Variants in PATJ observed in about 807,000 individuals in gnomAD.
PATJ encodes the protein inaD-like protein.
PATJ carries 190 observed loss-of-function variants against 224.9 expected under a neutral mutation model. The ratio of observed to expected loss-of-function variants is 0.84; its 90% CI spans 0.75 to 0.95. The LOEUF (loss-of-function observed/expected upper bound fraction) is 0.95, where lower values mean the gene tolerates loss of function less well. Ranked by LOEUF, PATJ falls within the 40% of genes least tolerant of loss-of-function variation. The pLI, the probability that PATJ is intolerant of heterozygous loss-of-function variation, is 0.00. For missense variants in PATJ, 2,121 were observed against 2,270.3 expected (o/e 0.93, Z 1.34); for synonymous variants, 769 against 820.3 (o/e 0.94, Z 1.07).
chr1:61,977,339 C>T (rs955199964), intron 27 of PATJ, among the ~76,000 whole-genome samples: 4 of 152,100 alleles, frequency 2.6e-5, no homozygotes, highest in Non-Finnish European at 5.9e-5. Flanking sequence ...ATTGGCCCAC[C>T]TCAGCCTCCC....
In PATJ at chr1:62,161,007, A is replaced by T; in HGVS notation, c.5602A>T (p.Ile1868Phe). Residue 1868 changes from isoleucine (I) to phenylalanine (F), a missense_variant, in exon 44 of 44, where the codon ATT (isoleucine) becomes TTT (phenylalanine). By Grantham distance (21) the Ile-to-Phe change is conservative. Coordinates refer to ENST00000642238, the MANE Select transcript of PATJ (RefSeq NM_001350145.3). The stretch of plus-strand genomic sequence containing the variant: ...TGTTACTCATGAGCAAGCAGTCGCC[A>T]TTCTAAAACACCAGAGAGGGACTGT... The part of the protein sequence containing the change: ...EGVTHEQAVA[I>F]LKHQRGTVTL... 6.2e-7 allele frequency: 1 copy of T among 1,608,480 alleles called. No individual in the cohort carries two copies. Among genetic ancestry groups the T allele is most frequent in the East Asian group, 2.2e-5 (1 of 44,846 alleles).
At chr1:61,955,797 TAAG>T (rs1349854139) in intron 27 of PATJ, among the ~76,000 whole-genome samples, 1 of 152,214 alleles carries the variant, frequency 6.6e-6, no homozygotes, top group African/African-American at 2.4e-5. Context: ...CCTGTACTTT[TAAG>T]AAGTTTTAAT....
At position 61,787,879 on chromosome 1, in the gene PATJ, T is replaced by C. The variant is rs776193693; in HGVS notation, c.975T>C (p.Ala325=). The part of the protein sequence containing the change: ...NCGNSVRMLV[A]RDPAGDISVT... ...GGAATTCAGTCAGGATGCTCGTTGC[T>C]AGAGATCCAGCTGGTGACATTTCAG... The change falls in exon 8 of 44, where the codon GCT becomes GCC. Residue 325 remains alanine, a synonymous_variant. Coordinates refer to ENST00000642238, the MANE Select transcript of PATJ (RefSeq NM_001350145.3). 2 of 1,614,176 alleles carry C rather than the reference T, an allele frequency of 1.2e-6. No homozygotes were observed. The highest frequency in any genetic ancestry group is 2.2e-5 in the East Asian group (1 of 44,888).
chr1:61,783,703 A>G (rs1388927999), intron 7 of PATJ, among the ~76,000 whole-genome samples: 1 of 151,100 alleles, frequency 6.6e-6, no homozygotes, highest in Non-Finnish European at 1.5e-5. Context: ...GAGAAGTTAA[A>G]ATGCAAAGTA....
At position 62,104,797 on chromosome 1, in the gene PATJ, G is replaced by A. The variant is rs569719807; in HGVS notation, c.4378-3640G>A. On this transcript the variant is annotated intron_variant, in intron 33 of 43. Transcript: ENST00000642238. The stretch of plus-strand genomic sequence containing the variant: ...AGTGATTCTCCTGTCTCAGCCTTCC[G>A]AGTAGCTGGGATTACAGGCACGTGC... Among the ~76,000 whole-genome samples the A allele has an allele frequency of 1.1e-4, 16 of 152,066 alleles. 1 individual carries two copies. Among genetic ancestry groups the A allele is most frequent in the East Asian group, 7.7e-4 (4 of 5,166 alleles).
At chr1:62,105,492 C>T (rs996281693) in intron 33 of PATJ, among the ~76,000 whole-genome samples, 2 of 152,142 alleles carry the variant, frequency 1.3e-5, no homozygotes, top group Non-Finnish European at 2.9e-5. Flanking sequence ...ATACAAATGA[C>T]CTTTGGTAGG....
chr1:62,117,433 G>A (rs941669785), intron 37 of PATJ: 1 of 1,362,550 alleles, frequency 7.3e-7, no homozygotes, highest in African/African-American at 1.5e-5. Context: ...GCTTGCAAAT[G>A]TTTTCTTGGA....
intron 22 of PATJ, among the ~76,000 whole-genome samples, chr1:61,895,851 C>G (rs978514059): frequency 6.6e-6 from 1 of 152,166 alleles, no homozygotes. Context: ...AAGCTGTAGG[C>G]ACTCACCTCC....
intron 31 of PATJ, among the ~76,000 whole-genome samples, chr1:62,053,789 C>T (rs548990508): frequency 5.9e-5 from 9 of 151,616 alleles, no homozygotes; most frequent in East Asian, 1.9e-4. Flanking sequence ...TGAGGAATGA[C>T]GGTAATTAGG....
Position 61,893,699 on chromosome 1 carries a change from AG to A in PATJ, c.3132-5882del, listed in dbSNP as rs1669931386. Among the ~76,000 whole-genome samples the A allele has an allele frequency of 4.6e-5, 7 of 151,742 alleles. No homozygotes were observed. In the South Asian group the frequency reaches 1.5e-3, roughly 32 times the overall value. ...TGCCTGTGGTCCCAGCTACCTGGTG[AG>A]GCTGCAGTGAGCTGTGATTGTGCCA... On this transcript the variant is annotated intron_variant, in intron 22 of 43. Transcript: ENST00000642238.
intron 20 of PATJ, among the ~76,000 whole-genome samples, chr1:61,871,539 G>GTC (rs1322719608): frequency 1.9e-5 from 1 of 51,486 alleles, no homozygotes; most frequent in African/African-American, 6.9e-5. Flanking sequence ...GTGTGTGTGT[G>GTC]TATATATATA....
chr1:61,978,411 A>G (rs1046471421), intron 27 of PATJ, among the ~76,000 whole-genome samples: 1 of 151,424 alleles, frequency 6.6e-6, no homozygotes, highest in African/African-American at 2.4e-5. Flanking sequence ...GATTAAAGGC[A>G]TGTGCTACCA....
At chr1:61,943,568 G>A (rs968172024) in intron 27 of PATJ, among the ~76,000 whole-genome samples, 4 of 152,182 alleles carry the variant, frequency 2.6e-5, no homozygotes, top group Non-Finnish European at 5.9e-5. Flanking sequence ...GGCTTGAGTA[G>A]GTAAATGAAG....
chr1:61,823,578 T>C lies in PATJ; in HGVS notation c.1818+499T>C, dbSNP rs543530509. Among the ~76,000 whole-genome samples, 9 of 152,292 alleles carry C rather than the reference T, an allele frequency of 5.9e-5. No homozygotes were observed. In the East Asian group the frequency reaches 1.7e-3, roughly 29 times the overall value. Reference sequence around the variant, plus strand: ...GAGCACCTCTGCTTTGAAAGGACTTTCTTGAGAGGAAAGGTCTTGGGGAAT... The same window carrying C: ...GAGCACCTCTGCTTTGAAAGGACTTCCTTGAGAGGAAAGGTCTTGGGGAAT... On this transcript the variant is annotated intron_variant, in intron 15 of 43. Coordinates refer to ENST00000642238, the MANE Select transcript of PATJ (RefSeq NM_001350145.3).
intron 29 of PATJ, among the ~76,000 whole-genome samples, chr1:62,024,955 C>T (rs1647565084): frequency 6.6e-6 from 1 of 152,172 alleles, no homozygotes; most frequent in South Asian, 2.1e-4. Flanking sequence ...TTTCCTACTT[C>T]CTTGTCCTCT....
intron 29 of PATJ, among the ~76,000 whole-genome samples, chr1:62,021,795 G>C (rs532660088): frequency 6.6e-6 from 1 of 152,070 alleles, no homozygotes; most frequent in Non-Finnish European, 1.5e-5. Context: ...GTTAAAATTC[G>C]ATTCATTATC....
At chr1:62,033,277 G>C (rs1369842078) in intron 29 of PATJ, among the ~76,000 whole-genome samples, 1 of 152,164 alleles carries the variant, frequency 6.6e-6, no homozygotes, top group Non-Finnish European at 1.5e-5. Context: ...AAGCTATGTA[G>C]TTGAGTTTCA....
At chr1:61,923,648 T>C (rs1487982523) in intron 26 of PATJ, among the ~76,000 whole-genome samples, 1 of 152,158 alleles carries the variant, frequency 6.6e-6, no homozygotes, top group Non-Finnish European at 1.5e-5. Flanking sequence ...CCGGGCGTGG[T>C]GGCTCATGCC....
At chr1:62,058,879 A>G (rs1654972861) in intron 31 of PATJ, among the ~76,000 whole-genome samples, 1 of 152,234 alleles carries the variant, frequency 6.6e-6, no homozygotes, top group African/African-American at 2.4e-5. Flanking sequence ...AGTCAGATTC[A>G]GCCCACAAAT....
Sources: gnomAD v4.1 joint callset for allele counts (sites outside exome capture counted in the v4.1 genomes callset) on GRCh38, gnomAD v4.1.1 for gene constraint, MANE v1.5 for transcripts, NCBI Gene and HGNC (gene_info 2026-07-23, HGNC 2026-07-21) for gene names.